The following LRRC1 variants were observed in gnomAD, a reference collection of about 807,000 sequenced individuals.
LRRC1 encodes leucine rich repeat containing 1, also known as leucine-rich repeat-containing protein 1.
A neutral mutation model predicts 69.9 loss-of-function variants in LRRC1; 28 were observed. That is an observed-to-expected ratio of 0.40 (90% CI 0.30 to 0.55). LRRC1 has a LOEUF of 0.55. LRRC1 is among the 20% of genes least tolerant of loss of function. LRRC1 has a pLI of 0.47. For synonymous variants in LRRC1, 236 were observed against 240.2 expected, an observed-to-expected ratio of 0.98 and a Z score of 0.16; for missense variants, 498 against 609.0, an observed-to-expected ratio of 0.82 and a Z score of 1.92.
intron 1 of LRRC1, among the ~76,000 whole-genome samples, chr6:53,815,113 T>G (rs1764913301): frequency 6.6e-6 from 1 of 151,002 alleles, no homozygotes; most frequent in African/African-American, 2.4e-5. Context: ...TTTCCAGTAA[T>G]TTCACCCATT....
At chr6:53,892,420 A>G (rs1445080988) in intron 4 of LRRC1, among the ~76,000 whole-genome samples, 1 of 152,200 alleles carries the variant, frequency 6.6e-6, no homozygotes, top group African/African-American at 2.4e-5. Context: ...TAACTGAAAT[A>G]GTGGATAAAG....
intron 1 of LRRC1, among the ~76,000 whole-genome samples, chr6:53,805,966 C>A (rs1764626114): frequency 6.6e-6 from 1 of 152,236 alleles, no homozygotes; most frequent in Admixed American, 6.5e-5. Flanking sequence ...TGTTTCAGCC[C>A]CAGTTAGCTG....
chr6:53,881,165 A>G (rs1226945303), intron 3 of LRRC1, among the ~76,000 whole-genome samples: 2 of 152,220 alleles, frequency 1.3e-5, no homozygotes, highest in African/African-American at 4.8e-5. Flanking sequence ...AAGAATTAAG[A>G]TGACATCTGT....
chr6:53,856,610 A>G (rs1389709601), intron 2 of LRRC1, among the ~76,000 whole-genome samples: 2 of 152,164 alleles, frequency 1.3e-5, no homozygotes, highest in African/African-American at 2.4e-5. Flanking sequence ...AGCATGATGA[A>G]TTTGGGGAAA....
At chr6:53,821,538 T>C (rs1270671791) in intron 1 of LRRC1, among the ~76,000 whole-genome samples, 1 of 152,216 alleles carries the variant, frequency 6.6e-6, no homozygotes, top group East Asian at 1.9e-4. Flanking sequence ...GTGCCTGTCA[T>C]GGAGGGCCTC....
intron 1 of LRRC1, among the ~76,000 whole-genome samples, chr6:53,809,872 C>G (rs559909034): frequency 4.6e-5 from 7 of 152,288 alleles, no homozygotes; most frequent in Admixed American, 2.0e-4. Flanking sequence ...CATCAGGAAG[C>G]CTGAAGGTAG....
At chr6:53,875,326 A>G (rs1767029480) in intron 2 of LRRC1, among the ~76,000 whole-genome samples, 1 of 152,226 alleles carries the variant, frequency 6.6e-6, no homozygotes, top group African/African-American at 2.4e-5. Flanking sequence ...GCCATTAAGA[A>G]CAGCAAACTA....
At chr6:53,814,084 C>T (rs982392828) in intron 1 of LRRC1, among the ~76,000 whole-genome samples, 1 of 152,160 alleles carries the variant, frequency 6.6e-6, no homozygotes, top group Non-Finnish European at 1.5e-5. Flanking sequence ...CTTCTCTACT[C>T]CCTTTTCTCT....
chr6:53,919,229 C>CTTTTTTTTTTTTTTTTT (rs879406589), intron 11 of LRRC1: 1 of 72,272 alleles, frequency 1.4e-5, no homozygotes, highest in African/African-American at 5.3e-5. Flanking sequence ...TTTTCTCTCT[C>CTTTTTTTTTTTTTTTTT]TTTTTTTTTT....
intron 2 of LRRC1, among the ~76,000 whole-genome samples, chr6:53,844,403 A>G (rs898399056): frequency 6.6e-6 from 1 of 152,230 alleles, no homozygotes; most frequent in Non-Finnish European, 1.5e-5. Flanking sequence ...ACAGCTCAAA[A>G]GTTCCCAGTC....
At chr6:53,869,065 C>T (rs2127426221) in intron 2 of LRRC1, among the ~76,000 whole-genome samples, 1 of 152,304 alleles carries the variant, frequency 6.6e-6, no homozygotes, top group East Asian at 1.9e-4. Context: ...CCCAGGGGCG[C>T]AAACCTAATA....
intron 10 of LRRC1, among the ~76,000 whole-genome samples, chr6:53,906,937 T>C (rs1035395052): frequency 1.3e-5 from 2 of 152,352 alleles, no homozygotes; most frequent in Admixed American, 6.5e-5. Flanking sequence ...GCTGAGCACA[T>C]GTCTCCAATT....
At chr6:53,877,976 A>C (rs1244394218) in intron 2 of LRRC1, among the ~76,000 whole-genome samples, 6 of 152,196 alleles carry the variant, frequency 3.9e-5, no homozygotes, top group African/African-American at 1.4e-4. Context: ...CATACAAAAG[A>C]AAGAGGTTTA....
chr6:53,814,528 A>G (rs911823428), intron 1 of LRRC1, among the ~76,000 whole-genome samples: 3 of 152,236 alleles, frequency 2.0e-5, no homozygotes, highest in African/African-American at 7.2e-5. Context: ...GTGACTATGA[A>G]GTACTGACAC....
At chr6:53,828,852 G>A (rs141380967) in intron 1 of LRRC1, among the ~76,000 whole-genome samples, 107 of 152,236 alleles carry the variant, frequency 7.0e-4, no homozygotes, top group Middle Eastern at 3.4e-3. Context: ...TTAGCACTTA[G>A]CCTCATCCTA....
rs2127444122 is a variant in LRRC1 at position 53,923,201 on chromosome 6, A to G, written c.*408A>G. 1 of 157,728 alleles carries G rather than the reference A, an allele frequency of 6.3e-6. No individual in the cohort carries two copies. The highest frequency in any genetic ancestry group is 3.2e-3 in the Middle Eastern group (1 of 314). The allele number at this position is 157,728 out of a possible 1,614,324, so 9.8% of individuals were successfully genotyped here. ...GAGAGATAGTTTTATGTATGGGGAAAAATGGATACTTTTTAAACCTTTTTT... is the reference window on the plus strand; with the variant it reads ...GAGAGATAGTTTTATGTATGGGGAAGAATGGATACTTTTTAAACCTTTTTT... On this transcript the variant is annotated 3_prime_UTR_variant, in exon 14 of 14. Transcript: ENST00000370888.
At chr6:53,819,352 G>A (rs547030040) in intron 1 of LRRC1, among the ~76,000 whole-genome samples, 2 of 152,178 alleles carry the variant, frequency 1.3e-5, no homozygotes, top group East Asian at 3.9e-4. Context: ...AGGAGGAGGA[G>A]GAGGTAAATG....
rs1413403830 is a variant in LRRC1, at chr6:53,842,202, G to T, written c.252G>T (p.Leu84=). The T allele has an allele frequency of 1.9e-6, 3 of 1,613,600 alleles. No homozygotes were observed. The highest frequency in any genetic ancestry group is 4.5e-5 in the East Asian group (2 of 44,866). ...CAGAAATAGCAAACTTCATGCAGCT[G>T]GTGGAACTAGATGTGTCTCGAAATG... ...LPPEIANFMQ[L]VELDVSRNEI... is the part of the protein sequence containing the mutation. The change falls in exon 2 of 14, where the codon CTG becomes CTT. Residue 84 remains leucine (L), a synonymous_variant. Coordinates refer to ENST00000370888, the MANE Select transcript of LRRC1 (RefSeq NM_018214.5).
chr6:53,855,572 T>C (rs573133298), intron 2 of LRRC1, among the ~76,000 whole-genome samples: 1 of 152,314 alleles, frequency 6.6e-6, no homozygotes, highest in South Asian at 2.1e-4. Context: ...CTTTGGAATT[T>C]CCTGCTTCCT....
Sources: allele counts gnomAD v4.1 joint callset (sites outside exome capture counted in the v4.1 genomes callset), GRCh38; gene constraint gnomAD v4.1.1; transcripts MANE v1.5; gene names NCBI Gene and HGNC (gene_info 2026-07-23, HGNC 2026-07-21).